Variants in ATP2B2 observed in about 807,000 individuals in gnomAD.
ATP2B2 encodes the protein plasma membrane calcium-transporting ATPase 2.
Under a neutral mutation model 120.0 loss-of-function variants are expected in ATP2B2, and 15 were observed. The ratio of observed to expected loss-of-function variants is 0.12; its 90% confidence interval spans 0.08 to 0.19. The LOEUF is 0.19. Ranked by LOEUF, ATP2B2 falls within the 10% of genes least tolerant of loss-of-function variation. ATP2B2 has a pLI of 1.00. For missense variants in ATP2B2, 1,045 were observed against 1,719.8 expected (o/e 0.61, Z 6.94); for synonymous variants, 694 against 700.3 (o/e 0.99, Z 0.14).
intron 2 of ATP2B2, among the ~76,000 whole-genome samples, chr3:10,578,096 C>T (rs2068295711): frequency 6.6e-6 from 1 of 152,274 alleles, no homozygotes; most frequent in East Asian, 1.9e-4. Context: ...GGCTCAGTTT[C>T]TGCTTCTATG....
chr3:10,649,160 T>C (rs1183663510), intron 1 of ATP2B2, among the ~76,000 whole-genome samples: 2 of 152,198 alleles, frequency 1.3e-5, no homozygotes, highest in African/African-American at 4.8e-5. Flanking sequence ...CTTCCCACCT[T>C]GGCCTCCCAA....
intron 2 of ATP2B2, among the ~76,000 whole-genome samples, chr3:10,593,772 C>A (rs1046656183): frequency 1.3e-5 from 2 of 152,162 alleles, no homozygotes; most frequent in African/African-American, 2.4e-5. Flanking sequence ...TCAGAGTGAA[C>A]AGGCAACCTA....
rs542387734 is a variant in ATP2B2 at position 10,552,147 on chromosome 3, A to ACGGC, written c.-414-18018_-414-18015dup. ...CAGCCGGAGAGGGAACACCCTTCCC[A>ACGGC]CGGCCGCCGCCTCGGTGCCGGTTGG... On this transcript the variant is annotated intron_variant, in intron 2 of 21. Coordinates refer to the ATP2B2 transcript ENST00000646379. Among the ~76,000 whole-genome samples the ACGGC allele has an allele frequency of 6.8e-4, 104 of 152,320 alleles. 1 individual carries two copies. In the South Asian group the frequency reaches 0.02, roughly 30 times the overall value.
intron 1 of ATP2B2, among the ~76,000 whole-genome samples, chr3:10,693,334 C>G (rs1181115790): frequency 6.6e-6 from 1 of 152,224 alleles, no homozygotes; most frequent in Non-Finnish European, 1.5e-5. Flanking sequence ...ATTGGCCAAC[C>G]TGTGAAATGG....
chr3:10,624,118 A>C (rs1479616253), intron 1 of ATP2B2, among the ~76,000 whole-genome samples: 1 of 152,192 alleles, frequency 6.6e-6, no homozygotes, highest in African/African-American at 2.4e-5. Context: ...TGCATCATAG[A>C]AACCAGCTTA....
rs530551884 is a variant in ATP2B2 at position 10,470,347 on chromosome 3, G to A, written c.-319-20485C>T. ...GGAAACTGAGGCTCAGAGAGATTGA[G>A]CAACCTGCTTAAGATCACCTAGCTG... On this transcript the variant is annotated intron_variant, in intron 1 of 22. Coordinates refer to ENST00000360273, the MANE Select transcript of ATP2B2 (RefSeq NM_001001331.4). 2.6e-5 allele frequency among the ~76,000 whole-genome samples: 4 copies of A among 152,244 alleles called. No individual in the cohort carries two copies. In the South Asian group the frequency reaches 8.3e-4, roughly 32 times the overall value.
chr3:10,682,029 G>C (rs1038563321), intron 1 of ATP2B2, among the ~76,000 whole-genome samples: 1 of 152,230 alleles, frequency 6.6e-6, no homozygotes, highest in Non-Finnish European at 1.5e-5. Context: ...GGAGGCATTA[G>C]AGCTGGGTCA....
chr3:10,406,700 CAT>C (rs1475022384), intron 3 of ATP2B2, among the ~76,000 whole-genome samples: 2 of 152,256 alleles, frequency 1.3e-5, no homozygotes, highest in Non-Finnish European at 2.9e-5. Flanking sequence ...TTAAGCGACA[CAT>C]GACTGTATCT....
intron 22 of ATP2B2, among the ~76,000 whole-genome samples, chr3:10,333,104 T>A (rs1032690942): frequency 1.3e-5 from 2 of 152,102 alleles, no homozygotes; most frequent in African/African-American, 2.4e-5. Context: ...GGGCCTGCGA[T>A]GTGTTCAGGG....
At chr3:10,651,051 AC>A in intron 1 of ATP2B2, among the ~76,000 whole-genome samples, 1 of 152,098 alleles carries the variant, frequency 6.6e-6, no homozygotes, top group Middle Eastern at 3.4e-3. Flanking sequence ...CAATGCCTGT[AC>A]CCCCATTGTA....
At position 10,702,024 on chromosome 3, in the gene ATP2B2, T is replaced by A. The variant is rs150499177; in HGVS notation, c.-460+5891A>T. Among the ~76,000 whole-genome samples the A allele has an allele frequency of 2.6e-5, 4 of 152,278 alleles. No homozygotes were observed. In the East Asian group the frequency reaches 7.7e-4, roughly 29 times the overall value. ...CCTCCCCCTTATCAGGGCCTAACAT[T>A]TCACTGTTTTCCAGTCTCCCAACCT... On this transcript the variant is annotated intron_variant, in intron 1 of 21. Coordinates refer to the ATP2B2 transcript ENST00000646379.
Position 10,559,391 on chromosome 3 carries a change from A to G in ATP2B2, c.-414-25258T>C, listed in dbSNP as rs537760839. ...AAAAATCTGGAAGAGAGGATTTTGA[A>G]TGTTCCCAACACAGAGAAATGATAA... On this transcript the variant is annotated intron_variant, in intron 2 of 21. Coordinates refer to the ATP2B2 transcript ENST00000646379. Among the ~76,000 whole-genome samples the G allele has an allele frequency of 3.3e-5, 5 of 152,338 alleles. No homozygotes were observed. The East Asian group carries it at 9.6e-4, about 29-fold the overall frequency.
intron 1 of ATP2B2, among the ~76,000 whole-genome samples, chr3:10,643,492 T>G (rs1357369890): frequency 6.6e-6 from 1 of 152,128 alleles, no homozygotes; most frequent in Non-Finnish European, 1.5e-5. Flanking sequence ...AATGATGCAG[T>G]GGAGAAATTA....
intron 8 of ATP2B2, among the ~76,000 whole-genome samples, 178 bp from the exon 9 acceptor site, chr3:10,379,462 C>T (rs555520864): frequency 1.3e-5 from 2 of 152,184 alleles, no homozygotes; most frequent in Non-Finnish European, 1.5e-5. Flanking sequence ...CAGGCCTGGC[C>T]GCACCTTAGC....
At chr3:10,477,231 G>T (rs1659017) in intron 1 of ATP2B2, among the ~76,000 whole-genome samples, 76,969 of 151,458 alleles carry the variant, frequency 0.51, 20,524 homozygotes, top group Non-Finnish European at 0.56. Context: ...TGGTGCTTTT[G>T]TGTGTGTGTG....
intron 1 of ATP2B2, among the ~76,000 whole-genome samples, chr3:10,640,693 GCCCCCATTCCCCA>G (rs1313220835): frequency 6.6e-6 from 1 of 151,410 alleles, no homozygotes; most frequent in Non-Finnish European, 1.5e-5. Context: ...CCTCACCCCA[GCCCCCATTCCCCA>G]CCCCATTCCC....
chr3:10,508,188 G>A (rs1035860997), upstream of ATP2B2, among the ~76,000 whole-genome samples: 1 of 152,198 alleles, frequency 6.6e-6, no homozygotes, highest in African/African-American at 2.4e-5. Context: ...CGCAGTGACT[G>A]GATGCCCCTA....
chr3:10,683,758 G>GTGTGTGTATGTA (rs1334250607), intron 1 of ATP2B2, among the ~76,000 whole-genome samples: 39 of 33,636 alleles, frequency 1.2e-3, no homozygotes, highest in African/African-American at 3.3e-3. Context: ...ATGTGTGTGT[G>GTGTGTGTATGTA]TGTATATATA....
chr3:10,375,009 G>C lies in ATP2B2; in HGVS notation c.1416+421C>G, dbSNP rs965234464. Among the ~76,000 whole-genome samples the C allele has an allele frequency of 5.9e-5, 9 of 152,278 alleles. No individual in the cohort carries two copies. In the South Asian group the frequency reaches 1.9e-3, roughly 32 times the overall value. On this transcript the variant is annotated intron_variant, in intron 11 of 22. Coordinates refer to ENST00000360273, the MANE Select transcript of ATP2B2 (RefSeq NM_001001331.4). The surrounding 1 kb of genome is among the most constrained non-coding windows in gnomAD (Gnocchi z 4.2). ...CGCCAGACTTCTACGTAAATTTGGT[G>C]GGGTAAGGATGAATTCTGGCTTGCA...
Sources: gnomAD v4.1 joint callset for allele counts (sites outside exome capture counted in the v4.1 genomes callset) on GRCh38, gnomAD v4.1.1 for gene constraint, Gnocchi (gnomAD v3.1) non-coding constraint, MANE v1.5 for transcripts, NCBI Gene and HGNC (gene_info 2026-07-23, HGNC 2026-07-21) for gene names.